Variants in VKORC1L1 observed in about 807,000 individuals in gnomAD.
VKORC1L1 encodes vitamin K epoxide reductase complex subunit 1-like protein 1.
A neutral mutation model predicts 18.9 loss-of-function variants in VKORC1L1; 2 were observed. The ratio of observed to expected loss-of-function variants is 0.11; its 90% CI spans 0.04 to 0.33. The LOEUF (loss-of-function observed/expected upper bound fraction) is 0.33. Ranked by LOEUF, VKORC1L1 falls within the 10% of genes least tolerant of loss-of-function variation. The pLI, the probability that VKORC1L1 is intolerant of heterozygous loss-of-function variation, is 1.00. For missense variants in VKORC1L1, 123 were observed against 224.1 expected (o/e 0.55, Z 2.88); for synonymous variants, 96 against 100.0 (o/e 0.96, Z 0.24).
intron 1 of VKORC1L1, among the ~76,000 whole-genome samples, chr7:65,946,514 G>A (rs1176728089): frequency 6.6e-6 from 1 of 152,084 alleles, no homozygotes; most frequent in Non-Finnish European, 1.5e-5. Flanking sequence ...CAGACCCACT[G>A]AAGGAACAGC....
chr7:65,892,234 T>C (rs928498610), intron 1 of VKORC1L1, among the ~76,000 whole-genome samples: 2 of 152,246 alleles, frequency 1.3e-5, no homozygotes, highest in Non-Finnish European at 2.9e-5. Context: ...TTGTGAATAG[T>C]GCTGCAGTAA....
upstream of VKORC1L1, among the ~76,000 whole-genome samples, chr7:65,872,254 A>G (rs1225806775): frequency 6.6e-6 from 1 of 151,326 alleles, no homozygotes; most frequent in Non-Finnish European, 1.5e-5. Flanking sequence ...TTATTTTTCT[A>G]TATTATATGA....
chr7:65,904,009 C>T (rs758833601), intron 1 of VKORC1L1, among the ~76,000 whole-genome samples: 7 of 152,068 alleles, frequency 4.6e-5, no homozygotes, highest in Non-Finnish European at 7.4e-5. Flanking sequence ...CAGGATTTCC[C>T]TTTTTGCACG....
At chr7:65,928,754 G>C (rs530280061) in intron 1 of VKORC1L1, among the ~76,000 whole-genome samples, 2 of 152,304 alleles carry the variant, frequency 1.3e-5, no homozygotes, top group East Asian at 3.9e-4. Flanking sequence ...AGTAAATGGG[G>C]TGGAGAGGGT....
chr7:65,917,899 G>A (rs1271507229), intron 1 of VKORC1L1, among the ~76,000 whole-genome samples: 1 of 152,144 alleles, frequency 6.6e-6, no homozygotes, highest in African/African-American at 2.4e-5. Flanking sequence ...TAGGGTGGTG[G>A]CTTTGCCTAC....
chr7:65,885,798 A>C (rs1789001724), intron 1 of VKORC1L1, among the ~76,000 whole-genome samples: 1 of 152,144 alleles, frequency 6.6e-6, no homozygotes. Flanking sequence ...GAAGTTTGAT[A>C]TCTGATAGGG....
chr7:65,934,046 GT>G (rs1562652280), intron 1 of VKORC1L1, among the ~76,000 whole-genome samples: 1 of 151,958 alleles, frequency 6.6e-6, no homozygotes, highest in Non-Finnish European at 1.5e-5. Flanking sequence ...ACAATCTTAA[GT>G]TTTTAAACTG....
intron 1 of VKORC1L1, among the ~76,000 whole-genome samples, chr7:65,944,587 G>T (rs749568760): frequency 6.6e-6 from 1 of 151,740 alleles, no homozygotes; most frequent in Non-Finnish European, 1.5e-5. Context: ...TTGTGTATAT[G>T]CATTTGAAGT....
chr7:65,887,172 C>T (rs560343092), intron 1 of VKORC1L1, among the ~76,000 whole-genome samples: 1 of 152,072 alleles, frequency 6.6e-6, no homozygotes, highest in Admixed American at 6.6e-5. Flanking sequence ...TTTTGTTCTC[C>T]AAACTTTCAG....
At chr7:65,897,640 T>TA (rs1296644696) in intron 1 of VKORC1L1, among the ~76,000 whole-genome samples, 2 of 151,398 alleles carry the variant, frequency 1.3e-5, no homozygotes, top group Non-Finnish European at 2.9e-5. Flanking sequence ...AGGGTAGTAT[T>TA]ACTCTTGCGG....
At chr7:65,894,451 G>A (rs1789158513) in intron 1 of VKORC1L1, among the ~76,000 whole-genome samples, 1 of 152,124 alleles carries the variant, frequency 6.6e-6, no homozygotes, top group Non-Finnish European at 1.5e-5. Context: ...ATTCTACTTA[G>A]AAATAAATTG....
At chr7:65,949,232 C>A (rs1458289161) in intron 2 of VKORC1L1, among the ~76,000 whole-genome samples, 1 of 151,978 alleles carries the variant, frequency 6.6e-6, no homozygotes. Context: ...GTAATCCCAG[C>A]ACTTAGGGAG....
At chr7:65,945,035 C>T (rs1583865490) in intron 1 of VKORC1L1, among the ~76,000 whole-genome samples, 1 of 151,710 alleles carries the variant, frequency 6.6e-6, no homozygotes, top group South Asian at 2.1e-4. Flanking sequence ...CCAAGGCGTA[C>T]GGATGACCTG....
chr7:65,880,131 G>T (rs1320940382), intron 1 of VKORC1L1, among the ~76,000 whole-genome samples: 2 of 152,088 alleles, frequency 1.3e-5, no homozygotes. Context: ...TGAGATTACA[G>T]GTGTGAGCCA....
rs984353438 is a variant in VKORC1L1, at chr7:65,873,260, T to A, written c.-112T>A. 1.1e-6 allele frequency: 1 copy of A among 916,452 alleles called. No individual in the cohort carries two copies. The allele number at this position is 916,452 out of a possible 1,614,324, so 56.8% of individuals were successfully genotyped here. A position where few individuals can be genotyped will look rare whatever the true frequency, so the allele number is the denominator to read the frequency against. ...GGCGCGGCGGCGGCGGCGGCGGTGG[T>A]GGCGGCGGCGGCGGAGGCGGCGGTG... On this transcript the variant is annotated 5_prime_UTR_variant, in exon 1 of 3. Coordinates refer to ENST00000360768, the MANE Select transcript of VKORC1L1 (RefSeq NM_173517.6).
chr7:65,949,297 TAAAG>T (rs752928742), intron 2 of VKORC1L1, among the ~76,000 whole-genome samples: 2 of 151,906 alleles, frequency 1.3e-5, no homozygotes, highest in African/African-American at 2.4e-5. Context: ...CTGGCCAACA[TAAAG>T]AAACCCTGTC....
intron 1 of VKORC1L1, among the ~76,000 whole-genome samples, chr7:65,892,731 T>C (rs1225964530): frequency 6.6e-6 from 1 of 152,218 alleles, no homozygotes; most frequent in Non-Finnish European, 1.5e-5. Context: ...GTTCCATTTA[T>C]TGAAAAGGCC....
At chr7:65,871,357 G>A (rs563125337), upstream of VKORC1L1, among the ~76,000 whole-genome samples, 5 of 152,064 alleles carry the variant, frequency 3.3e-5, no homozygotes, top group South Asian at 2.1e-4. Flanking sequence ...CACCGCATCC[G>A]GCTAATTTTT....
intron 1 of VKORC1L1, among the ~76,000 whole-genome samples, chr7:65,905,025 G>A (rs79571489): frequency 0.019 from 2,908 of 152,004 alleles, 57 homozygotes; most frequent in East Asian, 0.087. Flanking sequence ...ATATGTATAT[G>A]TATACATATA....
Sources: allele counts gnomAD v4.1 joint callset (sites outside exome capture counted in the v4.1 genomes callset), GRCh38; gene constraint gnomAD v4.1.1; transcripts MANE v1.5; gene names NCBI Gene and HGNC (gene_info 2026-07-23, HGNC 2026-07-21).